The following ZNF557 variants were observed in gnomAD, a reference collection of about 807,000 sequenced individuals.
ZNF557 encodes the protein zinc finger protein 557.
A neutral mutation model predicts 21.2 loss-of-function variants in ZNF557; 19 were observed. The observed-to-expected ratio is 0.90, with a 90% confidence interval of 0.63 to 1.32. The LOEUF is 1.32. Ranked by LOEUF, ZNF557 falls within the 40% of genes most tolerant of loss-of-function variation. The pLI is 0.00. For synonymous variants in ZNF557, 207 were observed against 194.8 expected, an observed-to-expected ratio of 1.06 and a Z score of -0.52; for missense variants, 487 against 519.8, an observed-to-expected ratio of 0.94 and a Z score of 0.61.
chr19:7,076,621 A>C, intron 5 of ZNF557, 114 bp downstream of exon 5: 8 of 1,460,742 alleles, frequency 5.5e-6, no homozygotes, highest in Non-Finnish European at 7.3e-6. Flanking sequence ...AACTATTTTA[A>C]AGTGTCCAAT....
Position 7,081,448 on chromosome 19 carries a change from C to G in ZNF557, c.336C>G (p.Thr112=). 3 of 1,611,966 alleles carry G rather than the reference C, an allele frequency of 1.9e-6. No individual in the cohort carries two copies. Among genetic ancestry groups the G allele is most frequent in the Non-Finnish European group, 2.5e-6 (3 of 1,178,472 alleles). Residue 112 remains threonine, a synonymous_variant, in exon 6 of 8, where the codon ACC becomes ACG. Coordinates refer to ENST00000252840, the MANE Select transcript of ZNF557 (RefSeq NM_024341.3). ...AAGAGAGAGGAATTCTCTCAGGTAC[C>G]TGTCCAGGTGAGCACCAGGTGGATA... ...MTEERGILSG[T]CPDVENPFKA...
Position 7,083,492 on chromosome 19 carries a change from C to T in ZNF557, c.1041C>T (p.Pro347=), listed in dbSNP as rs751808379. Residue 347 remains proline (P), a synonymous_variant, in exon 8 of 8, where the codon CCC becomes CCT. Coordinates refer to ENST00000252840, the MANE Select transcript of ZNF557 (RefSeq NM_024341.3). The part of the protein sequence containing the change: ...QHIRTHTGEK[P]YTCNECGKSF... ...TAAGAACTCATACTGGAGAAAAACC[C>T]TACACATGTAATGAGTGTGGGAAAT... The T allele has an allele frequency of 6.2e-7, 1 of 1,614,174 alleles. No homozygotes were observed. Among genetic ancestry groups the T allele is most frequent in the East Asian group, 2.2e-5 (1 of 44,886 alleles).
Position 7,069,762 on chromosome 19 carries a change from G to C in ZNF557, c.-183G>C, listed in dbSNP as rs1384442095. 1 of 152,280 alleles carries C rather than the reference G, an allele frequency of 6.6e-6. No individual in the cohort carries two copies. The highest frequency in any genetic ancestry group is 1.5e-5 in the Non-Finnish European group (1 of 68,056). The allele number at this position is 152,280 out of a possible 1,614,324, so 9.4% of individuals were successfully genotyped here. A position where few individuals can be genotyped will look rare whatever the true frequency, so the allele number is the denominator to read the frequency against. On this transcript the variant is annotated 5_prime_UTR_variant, in exon 1 of 8. Transcript: ENST00000252840. ...GAGAATCTTTCGGTCTCCGCGAGAG[G>C]TGCTTCATTCCGTGAGTCCGAGTCC...
At chr19:7,072,115 CAAAAAAAAAAAAA>C (rs71177148) in intron 2 of ZNF557, among the ~76,000 whole-genome samples, 1 of 67,366 alleles carries the variant, frequency 1.5e-5, no homozygotes, top group Admixed American at 1.8e-4. Context: ...GACTCCGTCT[CAAAAAAAAAAAAA>C]AAAAAAAAAA....
Position 7,083,215 on chromosome 19 carries a change from T to C in ZNF557, c.764T>C (p.Leu255Ser), listed in dbSNP as rs201645673. The C allele has an allele frequency of 4.3e-6, 7 of 1,614,166 alleles. No homozygotes were observed. The Admixed American group carries it at 8.3e-5, about 19-fold the overall frequency. Residue 255 changes from leucine to serine, a missense_variant, in exon 8 of 8, where the codon TTG (leucine) becomes TCG (serine). Leu to Ser is a moderately radical substitution (Grantham distance 145). Coordinates refer to ENST00000252840, the MANE Select transcript of ZNF557 (RefSeq NM_024341.3). ...FSNSSYLRPH[L>S]RIHTGEKPYK... The stretch of plus-strand genomic sequence containing the variant: ...AATTCCTCATACCTCAGACCGCACT[T>C]GAGAATTCACACTGGAGAAAAACCG...
rs199844955 is a variant in ZNF557, at chr19:7,075,080, G to C, written c.6G>C (p.Ala2=). The C allele has an allele frequency of 6.2e-6, 10 of 1,614,112 alleles. No individual in the cohort carries two copies. The African/African-American group carries it at 1.1e-4, about 17-fold the overall frequency. Reference sequence around the variant, plus strand: ...GTTGCTGTCGGAGTCACAGGATGGCGGCTGTCGTCCTGCCCCCAACTGCCG... The same window carrying C: ...GTTGCTGTCGGAGTCACAGGATGGCCGCTGTCGTCCTGCCCCCAACTGCCG... M[A]AVVLPPTAAL... Residue 2 remains alanine (A), a synonymous_variant, in exon 3 of 8, where the codon GCG becomes GCC. Transcript: ENST00000252840.
intron 2 of ZNF557, among the ~76,000 whole-genome samples, chr19:7,074,762 AGGGGGGTGACCGAGGCAGGGCACGGACTG>A (rs1977543636): frequency 2.4e-5 from 2 of 82,262 alleles, no homozygotes; most frequent in Non-Finnish European, 4.8e-5. Context: ...CACGGGCTGG[AGGGGGGTGACCGAGGCAGGGCACGGACTG>A]GAGGGGGGGT....
Position 7,083,258 on chromosome 19 carries a change from T to C in ZNF557, c.807T>C (p.Cys269=). 1 of 1,614,166 alleles carries C rather than the reference T, an allele frequency of 6.2e-7. No individual in the cohort carries two copies. The highest frequency in any genetic ancestry group is 8.5e-7 in the Non-Finnish European group (1 of 1,180,022). Residue 269 remains cysteine, a synonymous_variant, in exon 8 of 8, where the codon TGT becomes TGC. Transcript: ENST00000252840. ...TGEKPYKCNQ[C]FREFRTQSIF... ...AAAAACCGTACAAATGTAACCAGTG[T>C]TTTCGTGAGTTCCGCACTCAGTCAA...
chr19:7,082,776 A>G, intron 7 of ZNF557, 102 bp from the exon 8 acceptor site: 3 of 1,218,336 alleles, frequency 2.5e-6, no homozygotes, highest in Non-Finnish European at 2.2e-6. Flanking sequence ...TAATTCCAAT[A>G]CTATGATACA....
At position 7,082,910 on chromosome 19, in the gene ZNF557, A is replaced by G. The variant is rs1382953746; in HGVS notation, c.459A>G (p.Glu153=). The G allele has an allele frequency of 6.2e-7, 1 of 1,603,216 alleles. No individual in the cohort carries two copies. Among genetic ancestry groups the G allele is most frequent in the East Asian group, 2.2e-5 (1 of 44,750 alleles). ...ATCATCTTGGAGCAACACTCAACGA[A>G]TGTAATCAGTGTTTTAAAGTCTTCA... ...ERNHLGATLN[E]CNQCFKVFST... is the part of the protein sequence containing the mutation. Residue 153 remains glutamate (E), a synonymous_variant, in exon 8 of 8, where the codon GAA becomes GAG. Transcript: ENST00000252840.
In ZNF557 at chr19:7,082,188, GT is replaced by G. The variant is rs202109584; in HGVS notation, c.426+138del. 1.7e-3 allele frequency: 937 copies of G among 546,886 alleles called. 11 individuals carry two copies. In the African/African-American group the frequency reaches 0.04, roughly 24 times the overall value. 33.9% of individuals were successfully genotyped at this position (546,886 alleles called of 1,614,324 possible). ...CCCAGCACCTTGGGAAGCTGAGGCA[GT>G]TGGATCATGAGGTCAGGTCAGGAGT... On this transcript the variant is annotated intron_variant, in intron 7 of 7. Coordinates refer to ENST00000252840, the MANE Select transcript of ZNF557 (RefSeq NM_024341.3).
intron 5 of ZNF557, among the ~76,000 whole-genome samples, chr19:7,079,298 G>T (rs539899364): frequency 6.8e-6 from 1 of 146,100 alleles, no homozygotes; most frequent in Admixed American, 6.9e-5. Context: ...CTGGAGTGCA[G>T]TGGTGCAATC....
chr19:7,072,270 A>G (rs1327730967), intron 2 of ZNF557, among the ~76,000 whole-genome samples: 2 of 151,816 alleles, frequency 1.3e-5, no homozygotes, highest in African/African-American at 2.4e-5. Flanking sequence ...CTAAAAATAC[A>G]AAAATTAGCT....
rs200899402 is a variant in ZNF557, at chr19:7,075,685, G to A, written c.62G>A (p.Arg21Gln). The change falls in exon 4 of 8, where the codon CGA becomes CAA. Residue 21 changes from arginine (R) to glutamine (Q), a missense_variant. Arg to Gln is a conservative substitution (Grantham distance 43, BLOSUM62 1). Transcript: ENST00000252840. Reference sequence around the variant, plus strand: ...TCTTCCCTGTTCCCAGCCTCTCAGCGAGAAGGACACACAGAGGGCGGAGAG... The same window carrying A: ...TCTTCCCTGTTCCCAGCCTCTCAGCAAGAAGGACACACAGAGGGCGGAGAG... ...ALSSLFPASQ[R>Q]EGHTEGGELV... is the part of the protein sequence containing the mutation. The A allele has an allele frequency of 2.5e-4, 405 of 1,613,578 alleles. No individual in the cohort carries two copies. The highest frequency in any genetic ancestry group is 3.1e-4 in the South Asian group (28 of 91,082).
chr19:7,081,439 C>T lies in ZNF557; in HGVS notation c.327C>T (p.Leu109=). The change falls in exon 6 of 8, where the codon CTC becomes CTT. Residue 109 remains leucine, a synonymous_variant. Coordinates refer to ENST00000252840, the MANE Select transcript of ZNF557 (RefSeq NM_024341.3). Reference sequence around the variant, plus strand: ...TGATGACAGAAGAGAGAGGAATTCTCTCAGGTACCTGTCCAGGTGAGCACC... The same window carrying T: ...TGATGACAGAAGAGAGAGGAATTCTTTCAGGTACCTGTCCAGGTGAGCACC... ...DKVMTEERGI[L]SGTCPDVENP... 6.2e-7 allele frequency: 1 copy of T among 1,613,178 alleles called. No individual in the cohort carries two copies. Among genetic ancestry groups the T allele is most frequent in the Non-Finnish European group, 8.5e-7 (1 of 1,179,448 alleles).
intron 2 of ZNF557, among the ~76,000 whole-genome samples, chr19:7,071,949 CAAAA>C (rs34333608): frequency 4.9e-5 from 7 of 141,736 alleles, no homozygotes; most frequent in Non-Finnish European, 6.1e-5. Flanking sequence ...ACTAAAAATA[CAAAA>C]AAAAAAAAAA....
At position 7,082,969 on chromosome 19, in the gene ZNF557, T is replaced by C. The variant is rs1465057662; in HGVS notation, c.518T>C (p.Ile173Thr). 2 of 1,614,166 alleles carry C rather than the reference T, an allele frequency of 1.2e-6. No individual in the cohort carries two copies. The highest frequency in any genetic ancestry group is 1.7e-6 in the Non-Finnish European group (2 of 1,180,000). The change falls in exon 8 of 8, where the codon ATT becomes ACT. Residue 173 changes from isoleucine to threonine, a missense_variant. Ile to Thr is a moderately conservative substitution (Grantham distance 89, BLOSUM62 -1). Transcript: ENST00000252840. ...TCTTCCCTTACACGGCACAGGAAGATTCATACTGGAGAAAGACCCTATGGC... is the reference window on the plus strand; with the variant it reads ...TCTTCCCTTACACGGCACAGGAAGACTCATACTGGAGAAAGACCCTATGGC... ...TKSSLTRHRK[I>T]HTGERPYGCS...
At position 7,087,917 on chromosome 19, in the gene ZNF557, C is replaced by T. The variant is rs568771561; in HGVS notation, c.*4173C>T. On this transcript the variant is annotated 3_prime_UTR_variant, in exon 8 of 8. Transcript: ENST00000252840. ...ACTGTATTTGTTTCTCTCGACCTGA[C>T]TTAGTGATAGAGGTATATTAAAGTC... 1 of 152,182 alleles carries T rather than the reference C, an allele frequency of 6.6e-6. No homozygotes were observed. Among genetic ancestry groups the T allele is most frequent in the South Asian group, 2.1e-4 (1 of 4,820 alleles). The allele number at this position is 152,182 out of a possible 1,614,324, so 9.4% of individuals were successfully genotyped here. A position where few individuals can be genotyped will look rare whatever the true frequency, so the allele number is the denominator to read the frequency against.
intron 7 of ZNF557, among the ~76,000 whole-genome samples, chr19:7,082,501 C>T (rs1347294061): frequency 1.3e-5 from 2 of 151,198 alleles, no homozygotes; most frequent in African/African-American, 4.9e-5. Flanking sequence ...AAAGTAGTAC[C>T]TCTGGAGAGA....
Sources: allele counts gnomAD v4.1 joint callset (sites outside exome capture counted in the v4.1 genomes callset), GRCh38; gene constraint gnomAD v4.1.1; transcripts MANE v1.5; gene names NCBI Gene and HGNC (gene_info 2026-07-23, HGNC 2026-07-21).